The following CPAP variants were observed in gnomAD, a reference collection of about 807,000 sequenced individuals.
The protein encoded by CPAP is centrosome assembly and centriole elongation protein, also known as centrosomal P4.1-associated protein.
At chr13:24,888,441 G>A in the CPAP span, among the ~76,000 whole-genome samples, 2 of 152,164 alleles carry the variant, frequency 1.3e-5, no homozygotes, top group Non-Finnish European at 2.9e-5. Flanking sequence ...CTCAAATGCT[G>A]ACTAAATGTA....
chr13:24,886,188 A>G, the CPAP span: 1 of 599,154 alleles, frequency 1.7e-6, no homozygotes, highest in Non-Finnish European at 2.8e-6. Context: ...CTGAAGTGCC[A>G]GTATTTTCAT....
chr13:24,909,765 G>A, the CPAP span: 5 of 1,597,570 alleles, frequency 3.1e-6, no homozygotes, highest in African/African-American at 5.4e-5. Context: ...TATAAGCACA[G>A]AAGAGAGAAA....
chr13:24,931,401 C>T, the CPAP span, among the ~76,000 whole-genome samples: 1 of 147,192 alleles, frequency 6.8e-6, no homozygotes, highest in Non-Finnish European at 1.5e-5. Flanking sequence ...AGTCTCTCTC[C>T]TCCCCCAAAA....
At chr13:24,889,230 T>C in the CPAP span, 1 of 946,022 alleles carries the variant, frequency 1.1e-6, no homozygotes, top group East Asian at 2.4e-5. Context: ...AAAACATTTA[T>C]TAAGAAATGT....
At chr13:24,883,413 T>G in the CPAP span, 1 of 1,438,318 alleles carries the variant, frequency 7.0e-7, no homozygotes, top group Non-Finnish European at 9.5e-7. Context: ...AAAAAAATAA[T>G]AGAAAATAAA....
At chr13:24,897,421 G>A in the CPAP span, among the ~76,000 whole-genome samples, 2 of 152,118 alleles carry the variant, frequency 1.3e-5, no homozygotes, top group Non-Finnish European at 2.9e-5. Flanking sequence ...CTGCTGCATT[G>A]CCAGTATATG....
the CPAP span, among the ~76,000 whole-genome samples, chr13:24,923,336 C>T: frequency 6.6e-6 from 1 of 150,836 alleles, no homozygotes; most frequent in Non-Finnish European, 1.5e-5. Context: ...GCTGAGGTGA[C>T]TTAGTAAAGG....
chr13:24,910,626 C>T, the CPAP span, among the ~76,000 whole-genome samples: 1 of 152,172 alleles, frequency 6.6e-6, no homozygotes, highest in Non-Finnish European at 1.5e-5. Flanking sequence ...GATCCTGAGA[C>T]CAAAATATTT....
the CPAP span, chr13:24,883,839 T>A: frequency 1.9e-6 from 2 of 1,054,444 alleles, no homozygotes; most frequent in African/African-American, 3.1e-5. Context: ...GGACATTCAT[T>A]CAAACTGAAC....
At chr13:24,886,514 CAGT>C in the CPAP span, 1 of 476,250 alleles carries the variant, frequency 2.1e-6, no homozygotes. Context: ...TCAGAGGGAT[CAGT>C]CTAGGGACTA....
the CPAP span, among the ~76,000 whole-genome samples, chr13:24,917,869 C>T: frequency 1.3e-5 from 2 of 152,264 alleles, no homozygotes; most frequent in South Asian, 4.1e-4. Context: ...GAGAGAGAGG[C>T]TCTCTTTTAT....
chr13:24,907,207 G>A, the CPAP span: 2 of 1,570,136 alleles, frequency 1.3e-6, no homozygotes, highest in Non-Finnish European at 1.8e-6. Context: ...ATTAGAAACA[G>A]AAAGTTATTT....
At chr13:24,901,639 T>C in the CPAP span, among the ~76,000 whole-genome samples, 1 of 152,236 alleles carries the variant, frequency 6.6e-6, no homozygotes, top group East Asian at 1.9e-4. Context: ...AATACAGTCA[T>C]TTCAAGGATA....
chr13:24,933,026 A>G, the CPAP span: 6 of 1,588,352 alleles, frequency 3.8e-6, no homozygotes, highest in Non-Finnish European at 5.2e-6. Context: ...ATCTTTGCAA[A>G]TTGTATCTTC....
the CPAP span, among the ~76,000 whole-genome samples, chr13:24,890,142 C>T: frequency 3.9e-5 from 6 of 152,292 alleles, no homozygotes; most frequent in Admixed American, 6.5e-5. Context: ...TAATAAAATG[C>T]TAAAGCATTT....
chr13:24,905,730 T>A, the CPAP span: 12 of 1,614,114 alleles, frequency 7.4e-6, no homozygotes, highest in African/African-American at 2.7e-5. Flanking sequence ...ATGCTTTCCA[T>A]GATAGACTCA....
the CPAP span, among the ~76,000 whole-genome samples, chr13:24,894,955 A>G: frequency 6.6e-6 from 1 of 152,066 alleles, no homozygotes; most frequent in Non-Finnish European, 1.5e-5. Context: ...TGCGGGGTGA[A>G]GCCAGCAGGC....
chr13:24,887,376 G>A, the CPAP span, among the ~76,000 whole-genome samples: 52 of 152,300 alleles, frequency 3.4e-4, no homozygotes, highest in Admixed American at 9.2e-4. Context: ...GCGAGCCAGC[G>A]AAGCTTCATC....
the CPAP span, among the ~76,000 whole-genome samples, chr13:24,890,121 T>C: frequency 9.2e-5 from 14 of 152,324 alleles, no homozygotes; most frequent in East Asian, 2.7e-3. Context: ...TCTTCAAAAG[T>C]TAATGCAATT....
Sources: allele counts gnomAD v4.1 joint callset (sites outside exome capture counted in the v4.1 genomes callset), GRCh38; gene constraint gnomAD v4.1.1; transcripts MANE v1.5; gene names NCBI Gene and HGNC (gene_info 2026-07-23, HGNC 2026-07-21).